The following PBX1 variants were observed in gnomAD, a reference collection of about 807,000 sequenced individuals.
PBX1 encodes PBX homeobox 1.
PBX1 carries 6 observed loss-of-function variants against 53.4 expected under a neutral mutation model. That is an observed-to-expected ratio of 0.11 (90% confidence interval 0.06 to 0.22). The LOEUF (loss-of-function observed/expected upper bound fraction) is 0.22. Among genes scored for constraint, PBX1 ranks in the 10% least tolerant of loss-of-function variants. The pLI is 1.00. For missense variants in PBX1, 251 were observed against 551.4 expected, an observed-to-expected ratio of 0.46 and a Z score of 5.46; for synonymous variants, 204 against 212.3, an observed-to-expected ratio of 0.96 and a Z score of 0.34.
intron 2 of PBX1, among the ~76,000 whole-genome samples, chr1:164,782,833 A>G (rs1667998936): frequency 6.6e-6 from 1 of 152,150 alleles, no homozygotes; most frequent in Non-Finnish European, 1.5e-5. Context: ...GTAATATTTC[A>G]CCCATGGGGT....
chr1:164,757,450 G>A (rs1666588810), intron 2 of PBX1, among the ~76,000 whole-genome samples: 2 of 152,164 alleles, frequency 1.3e-5, no homozygotes, highest in Non-Finnish European at 2.9e-5. Context: ...TCTGAAGTTT[G>A]ACCAGATAGG....
intron 2 of PBX1, among the ~76,000 whole-genome samples, chr1:164,701,828 G>A (rs968434784): frequency 2.0e-5 from 3 of 152,168 alleles, no homozygotes; most frequent in Non-Finnish European, 2.9e-5. Context: ...TGTATTATGT[G>A]TTCAGAAAGT....
intron 2 of PBX1, among the ~76,000 whole-genome samples, chr1:164,714,823 G>A (rs143574270): frequency 1.1e-4 from 16 of 152,252 alleles, no homozygotes; most frequent in African/African-American, 3.8e-4. Flanking sequence ...CCAAGAAAGG[G>A]GATGGACTTG....
At chr1:164,878,944 T>C (rs894183420) in intron 2 of PBX1, among the ~76,000 whole-genome samples, 13 of 152,128 alleles carry the variant, frequency 8.5e-5, no homozygotes, top group African/African-American at 3.1e-4. Flanking sequence ...TCTGGAAGCA[T>C]AGGAGAAACT....
rs1652887057 is a variant in PBX1 at position 164,559,752 on chromosome 1, C to A, written c.-71C>A. The stretch of plus-strand genomic sequence containing the variant: ...GAAGACAAGCTTGAAGGATAAAAAG[C>A]CTTGGTGCTTCCCAGGAGCCGAGCC... On this transcript the variant is annotated 5_prime_UTR_variant, in exon 1 of 9. Transcript: ENST00000420696. 2 of 1,210,372 alleles carry A rather than the reference C, an allele frequency of 1.7e-6. No homozygotes were observed. The highest frequency in any genetic ancestry group is 2.3e-6 in the Non-Finnish European group (2 of 879,208). The allele number at this position is 1,210,372 out of a possible 1,614,324, so 75.0% of individuals were successfully genotyped here.
intron 8 of PBX1, among the ~76,000 whole-genome samples, chr1:164,838,720 G>T (rs1671159091): frequency 6.6e-6 from 1 of 152,126 alleles, no homozygotes; most frequent in African/African-American, 2.4e-5. Flanking sequence ...CTAGATTTGT[G>T]TACCACTGTG....
chr1:164,716,202 A>AC (rs1012604855), intron 2 of PBX1, among the ~76,000 whole-genome samples: 1 of 152,204 alleles, frequency 6.6e-6, no homozygotes, highest in Non-Finnish European at 1.5e-5. Context: ...GTCTGTACAC[A>AC]CCACCCACTG....
chr1:164,673,963 A>G (rs1409218346), intron 2 of PBX1, among the ~76,000 whole-genome samples: 1 of 151,722 alleles, frequency 6.6e-6, no homozygotes, highest in East Asian at 1.9e-4. Flanking sequence ...GGCTATGAAT[A>G]TCGCTGCTTA....
chr1:164,568,764 T>G (rs1029315321), intron 2 of PBX1, among the ~76,000 whole-genome samples: 34 of 152,250 alleles, frequency 2.2e-4, no homozygotes, highest in African/African-American at 7.7e-4. Flanking sequence ...AGGAAAGTTC[T>G]CTGGTTGTAT....
At position 164,588,165 on chromosome 1, in the gene PBX1, G is replaced by A. The variant is rs78139946; in HGVS notation, c.265+24854G>A. Among the ~76,000 whole-genome samples, 4 of 152,156 alleles carry A rather than the reference G, an allele frequency of 2.6e-5. 1 individual carries two copies. In the South Asian group the frequency reaches 8.3e-4, roughly 32 times the overall value. ...GCTGAAAAACCTCACATCCAGATGC[G>A]GTCAGAGAGGTTCACAGAATGAAAG... On this transcript the variant is annotated intron_variant, in intron 2 of 8. Coordinates refer to ENST00000420696, the MANE Select transcript of PBX1 (RefSeq NM_002585.4).
intron 2 of PBX1, among the ~76,000 whole-genome samples, chr1:164,723,809 A>G (rs1664534581): frequency 1.3e-5 from 2 of 152,232 alleles, no homozygotes; most frequent in Non-Finnish European, 2.9e-5. Context: ...CTGGATAATC[A>G]TAAGCTGCCG....
intron 2 of PBX1, among the ~76,000 whole-genome samples, chr1:164,666,897 G>T (rs1161955271): frequency 2.0e-5 from 3 of 152,132 alleles, no homozygotes; most frequent in Admixed American, 2.0e-4. Context: ...TTTAAGGCAG[G>T]CAATGATTCT....
chr1:164,676,136 C>A (rs1438549393), intron 2 of PBX1, among the ~76,000 whole-genome samples: 1 of 152,232 alleles, frequency 6.6e-6, no homozygotes, highest in South Asian at 2.1e-4. Context: ...AGGCATTTTG[C>A]GTTCTTTGTG....
At chr1:164,824,733 A>G (rs956780341) in intron 8 of PBX1, among the ~76,000 whole-genome samples, 1 of 152,162 alleles carries the variant, frequency 6.6e-6, no homozygotes, top group Non-Finnish European at 1.5e-5. Flanking sequence ...TCATGTGACA[A>G]TGGGCAATAC....
chr1:164,604,924 A>G (rs867035743), intron 2 of PBX1, among the ~76,000 whole-genome samples: 3 of 152,206 alleles, frequency 2.0e-5, no homozygotes, highest in South Asian at 2.1e-4. Context: ...ATGGAAAAAG[A>G]CAAGACAAAC....
chr1:164,884,573 G>A (rs1672735652), intron 2 of PBX1: 1 of 515,998 alleles, frequency 1.9e-6, no homozygotes, highest in East Asian at 4.2e-5. Context: ...TGGCTTGGAT[G>A]CTCTGGTGGT....
intron 2 of PBX1, among the ~76,000 whole-genome samples, chr1:164,746,266 G>C (rs1665886348): frequency 6.6e-6 from 1 of 152,224 alleles, no homozygotes; most frequent in African/African-American, 2.4e-5. Context: ...GCAAGTCTCA[G>C]TTGCTTAGCA....
chr1:164,817,044 T>C (rs1266612755), intron 6 of PBX1: 1 of 152,152 alleles, frequency 6.6e-6, no homozygotes, highest in East Asian at 1.9e-4. Context: ...TAGATTTAGT[T>C]CTGCACATGC....
At chr1:164,592,492 A>G (rs1329150434) in intron 2 of PBX1, among the ~76,000 whole-genome samples, 1 of 152,222 alleles carries the variant, frequency 6.6e-6, no homozygotes, top group Non-Finnish European at 1.5e-5. Flanking sequence ...GGAGAAGTTG[A>G]GGCCACAGTT....
Sources: allele counts gnomAD v4.1 joint callset (sites outside exome capture counted in the v4.1 genomes callset), GRCh38; gene constraint gnomAD v4.1.1; transcripts MANE v1.5; gene names NCBI Gene and HGNC (gene_info 2026-07-23, HGNC 2026-07-21).